Variants in LAMC3 observed in about 807,000 individuals in gnomAD.
The protein encoded by LAMC3 is laminin subunit gamma 3, also known as laminin subunit gamma-3.
Under a neutral mutation model 173.8 loss-of-function variants are expected in LAMC3, and 128 were observed. The ratio of observed to expected loss-of-function variants is 0.74; its 90% CI spans 0.64 to 0.85. The LOEUF (loss-of-function observed/expected upper bound fraction) is 0.85, where lower values mean the gene tolerates loss of function less well. Among genes scored for constraint, LAMC3 ranks in the 40% least tolerant of loss-of-function variants. The pLI, the probability that LAMC3 is intolerant of heterozygous loss-of-function variation, is 0.00. For synonymous variants in LAMC3, 897 were observed against 909.1 expected (o/e 0.99, Z 0.24); for missense variants, 2,022 against 2,156.0 (o/e 0.94, Z 1.23).
chr9:131,064,055 G>GC (rs1829879617), intron 13 of LAMC3, among the ~76,000 whole-genome samples: 1 of 152,088 alleles, frequency 6.6e-6, no homozygotes, highest in Non-Finnish European at 1.5e-5. Context: ...TTACAGGCAT[G>GC]CACCACCATG....
chr9:131,016,866 C>T (rs953689963), intron 1 of LAMC3, among the ~76,000 whole-genome samples: 3 of 152,320 alleles, frequency 2.0e-5, no homozygotes, highest in Middle Eastern at 3.4e-3. Context: ...TTCCGTGTTT[C>T]TACATTTTCC....
chr9:131,017,645 G>C (rs925132021), intron 1 of LAMC3, among the ~76,000 whole-genome samples: 5 of 141,298 alleles, frequency 3.5e-5, no homozygotes, highest in Non-Finnish European at 4.5e-5. Context: ...AGAATCGCTT[G>C]AACCGGAGGC....
rs777947621 is a variant in LAMC3, at chr9:131,094,017, T to C, written c.*2230T>C. 3.3e-5 allele frequency: 5 copies of C among 152,290 alleles called. No homozygotes were observed. Among genetic ancestry groups the C allele is most frequent in the African/African-American group, 9.6e-5 (4 of 41,460 alleles). 9.4% of individuals were successfully genotyped at this position (152,290 alleles called of 1,614,324 possible). A position where few individuals can be genotyped will look rare whatever the true frequency, so the allele number is the denominator to read the frequency against. On this transcript the variant is annotated 3_prime_UTR_variant, in exon 28 of 28. Transcript: ENST00000361069. ...TTAGTAGAGACAGGGTTTCACCACG[T>C]TGGTCAGGCTGGTCTCAAACTCCTG...
intron 18 of LAMC3, among the ~76,000 whole-genome samples, chr9:131,071,907 G>T (rs1180966079): frequency 6.6e-6 from 1 of 152,228 alleles, no homozygotes; most frequent in African/African-American, 2.4e-5. Flanking sequence ...TGGACTGGGA[G>T]GGTCTTGCTG....
intron 22 of LAMC3, among the ~76,000 whole-genome samples, chr9:131,078,147 C>T (rs572599182): frequency 1.3e-5 from 2 of 152,292 alleles, no homozygotes; most frequent in East Asian, 3.9e-4. Context: ...CCGGGTCCAT[C>T]GTGTCGATTC....
chr9:131,052,887 C>G lies in LAMC3; in HGVS notation c.1861C>G (p.Pro621Ala). ...CTCCGAGGACGTGGCCCCTCCACTG[C>G]CCCCCTTCCACTTCCAGCGGCTCCT... is the stretch of plus-strand genomic sequence containing the variant. ...ETSEDVAPPL[P>A]PFHFQRLLAN... Residue 621 changes from proline to alanine, a missense_variant, in exon 11 of 28, where the codon CCC becomes GCC. Transcript: ENST00000361069. 6.2e-7 allele frequency: 1 copy of G among 1,613,004 alleles called. No individual in the cohort carries two copies. Among genetic ancestry groups the G allele is most frequent in the African/African-American group, 1.3e-5 (1 of 75,038 alleles).
chr9:131,077,948 C>T (rs1437769188), intron 22 of LAMC3, among the ~76,000 whole-genome samples: 1 of 152,108 alleles, frequency 6.6e-6, no homozygotes, highest in Admixed American at 6.6e-5. Context: ...CCCAGCTCTG[C>T]CACTCCAGCT....
At chr9:131,055,610 A>G (rs1390676376) in intron 11 of LAMC3, among the ~76,000 whole-genome samples, 2 of 151,278 alleles carry the variant, frequency 1.3e-5, no homozygotes, top group Non-Finnish European at 2.9e-5. Context: ...ATTTTTTAGT[A>G]GAGACGGGGT....
At chr9:131,032,563 T>TCTCTTGCTCTCTCTCGCTCTCC (rs1268063415) in intron 3 of LAMC3, among the ~76,000 whole-genome samples, 2 of 134,256 alleles carry the variant, frequency 1.5e-5, no homozygotes, top group Non-Finnish European at 3.0e-5. Context: ...TCTCGCTCTC[T>TCTCTTGCTCTCTCTCGCTCTCC]CTCTTGCTCT....
In LAMC3 at chr9:131,009,526, G is replaced by C; in HGVS notation, c.312G>C (p.Gln104His). ...FHSQDESTWWQSPSMAFGVQY... is the reference protein window; with the variant it reads ...FHSQDESTWWHSPSMAFGVQY... ...GCCAGGACGAGAGCACCTGGTGGCA[G>C]AGCCCGTCCATGGCCTTCGGCGTGC... The change falls in exon 1 of 28, where the codon CAG (glutamine) becomes CAC (histidine). Residue 104 changes from glutamine to histidine, a missense_variant. Transcript: ENST00000361069. This position sits in a 1 kb window ranked among gnomAD's most constrained non-coding sequence, Gnocchi z 4.3. 1 of 1,560,468 alleles carries C rather than the reference G, an allele frequency of 6.4e-7. No homozygotes were observed. The highest frequency in any genetic ancestry group is 2.4e-5 in the East Asian group (1 of 41,564).
intron 22 of LAMC3, 61 bp downstream of exon 22, chr9:131,077,395 G>T (rs994083868): frequency 6.3e-7 from 1 of 1,597,286 alleles, no homozygotes; most frequent in East Asian, 2.2e-5. Flanking sequence ...AGAAGCTGGA[G>T]GCTGGGCACG....
chr9:131,012,048 AAC>A (rs3837236), intron 1 of LAMC3, among the ~76,000 whole-genome samples: 2 of 138,128 alleles, frequency 1.4e-5, no homozygotes, highest in Admixed American at 7.2e-5. Context: ...GTAGAGAGCG[AAC>A]ACACACACAC....
chr9:131,061,199 AC>A lies in LAMC3; in HGVS notation c.2326del (p.His776ThrfsTer108), dbSNP rs1268053391. 3 of 1,609,022 alleles carry A rather than the reference AC, an allele frequency of 1.9e-6. No homozygotes were observed. The highest frequency in any genetic ancestry group is 1.7e-6 in the Non-Finnish European group (2 of 1,179,746). On this transcript the variant is annotated frameshift_variant, in exon 13 of 28. Transcript: ENST00000361069. LOFTEE classifies it high-confidence loss of function. Reference sequence around the variant, plus strand: ...CCCAGAGAGCCGGGAGGTGGTGTGTACCCACTGCCCCCCGGGCCAGAGAGGT... The same window carrying A: ...CCCAGAGAGCCGGGAGGTGGTGTGTACCACTGCCCCCCGGGCCAGAGAGGT... ...TIPESREVVC[T>X]HCPPGQRGRR... is the part of the protein sequence containing the mutation.
chr9:131,068,149 T>C lies in LAMC3; in HGVS notation c.2665T>C (p.Cys889Arg). 1 of 1,613,422 alleles carries C rather than the reference T, an allele frequency of 6.2e-7. No homozygotes were observed. The highest frequency in any genetic ancestry group is 1.1e-5 in the South Asian group (1 of 91,086). Reference sequence around the variant, plus strand: ...CGACCCAGTGACAGGCCAATGCTCCTGCCTGCCTCATGTGACTGCACGGGA... The same window carrying C: ...CGACCCAGTGACAGGCCAATGCTCCCGCCTGCCTCATGTGACTGCACGGGA... ...PCDPVTGQCS[C>R]LPHVTARDCS... Residue 889 changes from cysteine to arginine, a missense_variant, in exon 15 of 28, where the codon TGC becomes CGC. By Grantham distance (180) the Cys-to-Arg change is radical. Coordinates refer to ENST00000361069, the MANE Select transcript of LAMC3 (RefSeq NM_006059.4).
chr9:131,047,647 G>A (rs1274423152), intron 8 of LAMC3, among the ~76,000 whole-genome samples: 1 of 151,442 alleles, frequency 6.6e-6, no homozygotes, highest in Admixed American at 6.6e-5. Context: ...CGGATCACCT[G>A]AGGTCAAGAG....
At position 131,009,683 on chromosome 9, in the gene LAMC3, G is replaced by A; in HGVS notation, c.373+96G>A. 6.9e-7 allele frequency: 1 copy of A among 1,441,882 alleles called. No homozygotes were observed. The highest frequency in any genetic ancestry group is 9.4e-7 in the Non-Finnish European group (1 of 1,064,482). The allele number at this position is 1,441,882 out of a possible 1,614,324, so 89.3% of individuals were successfully genotyped here. A position where few individuals can be genotyped will look rare whatever the true frequency, so the allele number is the denominator to read the frequency against. On this transcript the variant is annotated intron_variant, in intron 1 of 27. Coordinates refer to ENST00000361069, the MANE Select transcript of LAMC3 (RefSeq NM_006059.4). This position sits in a 1 kb window ranked among gnomAD's most constrained non-coding sequence, Gnocchi z 4.3. The stretch of plus-strand genomic sequence containing the variant: ...CTGAGCTGCTGTGCGCCCAGGTTGG[G>A]CTGCAGGACCCAGATATGGTGTTGG...
intron 3 of LAMC3, among the ~76,000 whole-genome samples, chr9:131,034,841 GTC>G (rs1230413549): frequency 6.6e-6 from 1 of 152,234 alleles, no homozygotes; most frequent in Non-Finnish European, 1.5e-5. Context: ...GATTCCACCT[GTC>G]TCTTGATCCT....
chr9:131,051,506 G>A (rs1834286117), intron 9 of LAMC3, among the ~76,000 whole-genome samples: 1 of 151,782 alleles, frequency 6.6e-6, no homozygotes, highest in South Asian at 2.1e-4. Context: ...TGGGATTACA[G>A]GCACCCACCA....
chr9:131,084,066 A>G (rs1309770491), intron 24 of LAMC3, among the ~76,000 whole-genome samples: 42 of 140,730 alleles, frequency 3.0e-4, no homozygotes, highest in African/African-American at 1.1e-3. Flanking sequence ...TATTTTTAGT[A>G]GAGACAGGGT....
Sources: gnomAD v4.1 joint callset for allele counts (sites outside exome capture counted in the v4.1 genomes callset) on GRCh38, gnomAD v4.1.1 for gene constraint, Gnocchi (gnomAD v3.1) non-coding constraint, MANE v1.5 for transcripts, NCBI Gene and HGNC (gene_info 2026-07-23, HGNC 2026-07-21) for gene names.